The following LY6E variants were observed in gnomAD, a reference collection of about 807,000 sequenced individuals.
LY6E encodes the protein lymphocyte antigen 6 family member E, also known as lymphocyte antigen 6E.
A neutral mutation model predicts 7.7 loss-of-function variants in LY6E; 4 were observed. The observed-to-expected ratio is 0.52, with a 90% CI of 0.25 to 1.18. The LOEUF (loss-of-function observed/expected upper bound fraction) is 1.18. Among genes scored for constraint, LY6E ranks in the 50% most tolerant of loss-of-function variants. The pLI, the probability that LY6E is intolerant of heterozygous loss-of-function variation, is 0.14. For synonymous variants in LY6E, 81 were observed against 80.1 expected (o/e 1.01, Z -0.06); for missense variants, 156 against 168.0 (o/e 0.93, Z 0.40).
At chr8:143,019,626 G>C (rs1586613824) in intron 1 of LY6E, among the ~76,000 whole-genome samples, 1 of 152,218 alleles carries the variant, frequency 6.6e-6, no homozygotes, top group Admixed American at 6.5e-5. Flanking sequence ...GCCACCTGGG[G>C]CTCCCACTCC....
At chr8:143,021,083 G>T (rs965060938) in intron 2 of LY6E, 92 bp downstream of exon 2, 8 of 1,432,804 alleles carry the variant, frequency 5.6e-6, no homozygotes, top group African/African-American at 1.4e-5. Context: ...CGCCCCAGGG[G>T]TCCTTCCAGG....
At chr8:143,020,188 A>G (rs1196550800) in intron 1 of LY6E, 4 of 152,228 alleles carry the variant, frequency 2.6e-5, no homozygotes, top group African/African-American at 9.7e-5. Context: ...AAAATTCTAG[A>G]TACAGATTAG....
At chr8:143,021,126 C>T (rs781274339) in intron 2 of LY6E, 135 bp downstream of exon 2, 225 of 1,233,106 alleles carry the variant, frequency 1.8e-4, no homozygotes, top group Non-Finnish European at 2.5e-4. Flanking sequence ...CCGGCCTGGC[C>T]ACACTGTCTC....
In LY6E at chr8:143,021,699, G is replaced by A. The variant is rs61997229; in HGVS notation, c.306G>A (p.Ala102=). 1,036 of 1,613,546 alleles carry A rather than the reference G, an allele frequency of 6.4e-4. 14 individuals carry two copies. The African/African-American group carries it at 0.012, about 18-fold the overall frequency. ...CCQSFLCNFS[A]ADGGLRASVT... is the part of the protein sequence containing the mutation. ...AGAGCTTTCTGTGCAATTTCAGTGCGGCCGATGGCGGGCTGCGGGCAAGCG... is the reference window on the plus strand; with the variant it reads ...AGAGCTTTCTGTGCAATTTCAGTGCAGCCGATGGCGGGCTGCGGGCAAGCG... Residue 102 remains alanine, a synonymous_variant, in exon 4 of 4, where the codon GCG becomes GCA. Coordinates refer to ENST00000292494, the MANE Select transcript of LY6E (RefSeq NM_002346.3).
intron 1 of LY6E, among the ~76,000 whole-genome samples, chr8:143,020,061 C>G (rs567314502): frequency 6.6e-6 from 1 of 152,128 alleles, no homozygotes. Flanking sequence ...GTGCTTTCCT[C>G]GGAACTGAGT....
rs1199268091 is a variant in LY6E, at chr8:143,021,846, T to A, written c.*57T>A. 6.7e-7 allele frequency: 1 copy of A among 1,493,526 alleles called. No individual in the cohort carries two copies. The highest frequency in any genetic ancestry group is 9.0e-7 in the Non-Finnish European group (1 of 1,108,266). The allele number at this position is 1,493,526 out of a possible 1,614,324, so 92.5% of individuals were successfully genotyped here. A position where few individuals can be genotyped will look rare whatever the true frequency, so the allele number is the denominator to read the frequency against. On this transcript the variant is annotated 3_prime_UTR_variant, in exon 4 of 4. Coordinates refer to ENST00000292494, the MANE Select transcript of LY6E (RefSeq NM_002346.3). ...TCAGGAAGGAAAGCCCAGCCCTTTC[T>A]GGATCCCACAGTGTATGGGAGCCCC...
chr8:143,021,282 T>C (rs1819212231), intron 2 of LY6E, 32 bp from the exon 3 acceptor site: 1 of 1,607,008 alleles, frequency 6.2e-7, no homozygotes, highest in Non-Finnish European at 8.5e-7. Context: ...CACTGGAGGC[T>C]TCCCTGAGAC....
intron 2 of LY6E, 73 bp downstream of exon 2, chr8:143,021,064 CT>C (rs1819207857): frequency 1.3e-6 from 2 of 1,546,856 alleles, no homozygotes; most frequent in Non-Finnish European, 1.8e-6. Context: ...CCCCTCTCCC[CT>C]GAGCAGACGC....
intron 1 of LY6E, among the ~76,000 whole-genome samples, chr8:143,019,424 A>G (rs767448663): frequency 2.0e-5 from 3 of 152,174 alleles, no homozygotes; most frequent in Non-Finnish European, 2.9e-5. Flanking sequence ...CCACCCAGTG[A>G]GCAGGTGGCG....
chr8:143,021,321 G>C lies in LY6E; in HGVS notation c.60G>C (p.Ser20=). The C allele has an allele frequency of 6.2e-7, 1 of 1,613,494 alleles. No homozygotes were observed. The highest frequency in any genetic ancestry group is 8.5e-7 in the Non-Finnish European group (1 of 1,179,976). Reference sequence around the variant, plus strand: ...TGTGTCCTCCTTCCGCAGCCAGCTCGCTGATGTGCTTCTCCTGCTTGAACC... The same window carrying C: ...TGTGTCCTCCTTCCGCAGCCAGCTCCCTGATGTGCTTCTCCTGCTTGAACC... The part of the protein sequence containing the change: ...AALLGVERAS[S]LMCFSCLNQK... The change falls in exon 3 of 4, where the codon TCG becomes TCC. Residue 20 remains serine, a synonymous_variant. Transcript: ENST00000292494.
chr8:143,021,545 A>G (rs1409385263), intron 3 of LY6E, 21 bp from the exon 4 acceptor site: 1 of 1,613,310 alleles, frequency 6.2e-7, no homozygotes, highest in Non-Finnish European at 8.5e-7. Context: ...CTCTCCCCTG[A>G]CAGCCTCATT....
At chr8:143,018,951 C>T (rs934348901) in intron 1 of LY6E, 1 of 152,264 alleles carries the variant, frequency 6.6e-6, no homozygotes, top group African/African-American at 2.4e-5. Flanking sequence ...TCCAGACGCT[C>T]CTGGCTCCTC....
At chr8:143,021,180 G>C (rs1795314199) in intron 2 of LY6E, 134 bp from the exon 3 acceptor site, 6 of 1,322,342 alleles carry the variant, frequency 4.5e-6, no homozygotes, top group Non-Finnish European at 6.3e-6. Context: ...CGGCCAGGGT[G>C]GGGTGTCACT....
In LY6E at chr8:143,021,904, TC is replaced by T; in HGVS notation, c.*118del. 1 of 1,005,032 alleles carries T rather than the reference TC, an allele frequency of 9.9e-7. No homozygotes were observed. The highest frequency in any genetic ancestry group is 1.4e-6 in the Non-Finnish European group (1 of 702,294). 62.3% of individuals were successfully genotyped at this position (1,005,032 alleles called of 1,614,324 possible). A position where few individuals can be genotyped will look rare whatever the true frequency, so the allele number is the denominator to read the frequency against. Reference sequence around the variant, plus strand: ...TCACGTGCCTGATCTGTGCCCTTGGTCCCAGGTCAGGCCCACCCCCTGCACC... The same window carrying T: ...TCACGTGCCTGATCTGTGCCCTTGGTCCAGGTCAGGCCCACCCCCTGCACC... On this transcript the variant is annotated 3_prime_UTR_variant, in exon 4 of 4. Coordinates refer to ENST00000292494, the MANE Select transcript of LY6E (RefSeq NM_002346.3).
At chr8:143,021,116 C>G in intron 2 of LY6E, 125 bp downstream of exon 2, 1 of 1,265,330 alleles carries the variant, frequency 7.9e-7, no homozygotes, top group Non-Finnish European at 1.1e-6. Context: ...GAGGGCTCAC[C>G]CGGCCTGGCC....
intron 1 of LY6E, chr8:143,018,841 G>C (rs1021148667): frequency 6.6e-6 from 1 of 152,292 alleles, no homozygotes; most frequent in African/African-American, 2.4e-5. Context: ...AGGCCTCCCC[G>C]AATGTTTCCA....
At chr8:143,020,149 TG>T (rs1317009833) in intron 1 of LY6E, 1 of 152,324 alleles carries the variant, frequency 6.6e-6, no homozygotes, top group African/African-American at 2.4e-5. Flanking sequence ...GGGAGCTGCC[TG>T]GGCTCAAAAC....
chr8:143,021,484 C>A (rs753183821), intron 3 of LY6E, 51 bp downstream of exon 3: 26 of 1,613,452 alleles, frequency 1.6e-5, no homozygotes, highest in Middle Eastern at 1.6e-4. Context: ...ATCTCCCTAG[C>A]CCGGGCCGGG....
chr8:143,020,848 C>T (rs1489166051), intron 1 of LY6E, 35 bp from the exon 2 acceptor site: 2 of 1,232,996 alleles, frequency 1.6e-6, no homozygotes, highest in South Asian at 1.3e-5. Context: ...AGGAGTGAGG[C>T]ACCACCCGGC....
Sources: allele counts gnomAD v4.1 joint callset (sites outside exome capture counted in the v4.1 genomes callset), GRCh38; gene constraint gnomAD v4.1.1; transcripts MANE v1.5; gene names NCBI Gene and HGNC (gene_info 2026-07-23, HGNC 2026-07-21).